Variants in ZPBP observed in about 807,000 individuals in gnomAD.
ZPBP encodes the protein zona pellucida binding protein.
A neutral mutation model predicts 44.8 loss-of-function variants in ZPBP; 26 were observed. The ratio of observed to expected loss-of-function variants is 0.58; its 90% confidence interval spans 0.43 to 0.81. The LOEUF is 0.81. Ranked by LOEUF, ZPBP falls within the 30% of genes least tolerant of loss-of-function variation. The pLI is 0.00. For synonymous variants in ZPBP, 174 were observed against 153.2 expected, an observed-to-expected ratio of 1.14 and a Z score of -1.00; for missense variants, 409 against 434.0, an observed-to-expected ratio of 0.94 and a Z score of 0.51.
At chr7:49,929,304 G>GC (rs539856319) in intron 1 of ZPBP, among the ~76,000 whole-genome samples, 1 of 152,162 alleles carries the variant, frequency 6.6e-6, no homozygotes, top group Non-Finnish European at 1.5e-5. Context: ...ATGCACCTCC[G>GC]CATCTTTTGT....
In ZPBP at chr7:49,978,755, T is replaced by C. The variant is rs200370359; in HGVS notation, c.961+4587A>G. Among the ~76,000 whole-genome samples, 14 of 152,218 alleles carry C rather than the reference T, an allele frequency of 9.2e-5. No individual in the cohort carries two copies. The East Asian group carries it at 2.7e-3, about 29-fold the overall frequency. ...TTTTGTCTTTTAACTAGTGTTATCC[T>C]AATTTAAAATACAGGGTAATTTGTT... On this transcript the variant is annotated intron_variant, in intron 7 of 7. Transcript: ENST00000046087.
intron 2 of ZPBP, among the ~76,000 whole-genome samples, chr7:50,088,831 TA>T (rs1802800213): frequency 1.3e-5 from 2 of 151,790 alleles, no homozygotes; most frequent in Non-Finnish European, 2.9e-5. Context: ...TTAGGCTCTT[TA>T]AAAAATAGTT....
chr7:49,982,277 T>TATAA (rs1562821374), intron 7 of ZPBP, among the ~76,000 whole-genome samples: 5 of 107,480 alleles, frequency 4.7e-5, no homozygotes, highest in African/African-American at 1.5e-4. Flanking sequence ...TATATATAAT[T>TATAA]TATAATTATA....
chr7:49,865,084 T>C (rs1790823260), intron 2 of ZPBP, among the ~76,000 whole-genome samples: 1 of 152,374 alleles, frequency 6.6e-6, no homozygotes, highest in Admixed American at 6.5e-5. Flanking sequence ...TGGAATACTT[T>C]TCTGTCATGT....
intron 7 of ZPBP, among the ~76,000 whole-genome samples, chr7:49,978,010 T>C (rs1025380555): frequency 6.6e-6 from 1 of 151,692 alleles, no homozygotes; most frequent in South Asian, 2.1e-4. Flanking sequence ...GAGAAAAAAA[T>C]AGGAAGGGAT....
chr7:49,996,932 T>C (rs1017483547), intron 6 of ZPBP, among the ~76,000 whole-genome samples: 2 of 152,196 alleles, frequency 1.3e-5, no homozygotes, highest in African/African-American at 4.8e-5. Context: ...CTCTGCTAAA[T>C]TACTATTAAC....
intron 5 of ZPBP, among the ~76,000 whole-genome samples, chr7:50,025,548 T>C (rs1201632904): frequency 6.6e-6 from 1 of 151,800 alleles, no homozygotes; most frequent in Non-Finnish European, 1.5e-5. Context: ...ATATAGTCAT[T>C]TAAAAAATGA....
At chr7:49,967,958 G>T (rs980544671) in intron 7 of ZPBP, among the ~76,000 whole-genome samples, 2 of 152,044 alleles carry the variant, frequency 1.3e-5, no homozygotes, top group African/African-American at 2.4e-5. Context: ...AAAAATGTAT[G>T]TTCAAATACT....
intron 1 of ZPBP, among the ~76,000 whole-genome samples, chr7:49,924,705 G>C (rs1006973179): frequency 3.3e-5 from 5 of 152,122 alleles, no homozygotes; most frequent in Non-Finnish European, 7.4e-5. Context: ...GTTCTGTCAA[G>C]ATAGACTAGC....
chr7:49,853,092 A>C (rs1018708053), intron 2 of ZPBP, among the ~76,000 whole-genome samples: 9 of 152,246 alleles, frequency 5.9e-5, no homozygotes, highest in African/African-American at 2.2e-4. Context: ...CTCTTGCTGC[A>C]GGCTGAAGGC....
At chr7:49,963,071 GAGA>G (rs1370228933) in intron 7 of ZPBP, among the ~76,000 whole-genome samples, 2 of 151,568 alleles carry the variant, frequency 1.3e-5, no homozygotes, top group Admixed American at 6.6e-5. Context: ...AAACAGTTCA[GAGA>G]AGAATATATA....
chr7:50,005,450 C>T (rs1356160583), intron 6 of ZPBP, among the ~76,000 whole-genome samples: 2 of 151,822 alleles, frequency 1.3e-5, no homozygotes, highest in Non-Finnish European at 2.9e-5. Context: ...TTAATGGACA[C>T]ACAGAATATG....
At chr7:49,889,137 T>G (rs1035507673) in intron 2 of ZPBP, among the ~76,000 whole-genome samples, 3 of 152,204 alleles carry the variant, frequency 2.0e-5, no homozygotes, top group Admixed American at 1.3e-4. Context: ...TACAAATGAT[T>G]ATTCCCTCAT....
At chr7:50,068,830 G>A (rs1414897752) in intron 3 of ZPBP, among the ~76,000 whole-genome samples, 7 of 152,240 alleles carry the variant, frequency 4.6e-5, no homozygotes, top group East Asian at 1.9e-4. Flanking sequence ...AGAGTTAAAC[G>A]GAGTATACAA....
intron 1 of ZPBP, chr7:49,921,304 A>G (rs2128747207): frequency 6.6e-6 from 1 of 152,342 alleles, no homozygotes; most frequent in South Asian, 2.1e-4. Context: ...AGTTGTTCCC[A>G]TCCCTGGCCT....
chr7:49,972,652 T>C (rs1372797153), intron 7 of ZPBP, among the ~76,000 whole-genome samples: 1 of 152,088 alleles, frequency 6.6e-6, no homozygotes, highest in African/African-American at 2.4e-5. Context: ...ATGGCAATAC[T>C]ACCCAAAGCA....
At chr7:49,980,504 G>A (rs903907840) in intron 7 of ZPBP, among the ~76,000 whole-genome samples, 2 of 151,576 alleles carry the variant, frequency 1.3e-5, no homozygotes, top group African/African-American at 4.8e-5. Flanking sequence ...TCACGATTCT[G>A]ATGGCTGAAA....
At chr7:50,028,238 C>A (rs755628660) in intron 5 of ZPBP, among the ~76,000 whole-genome samples, 5 of 151,526 alleles carry the variant, frequency 3.3e-5, no homozygotes, top group Non-Finnish European at 7.4e-5. Context: ...GAACATATAA[C>A]AATCAAAATA....
At chr7:49,985,983 C>T (rs1384289736) in intron 6 of ZPBP, among the ~76,000 whole-genome samples, 2 of 152,076 alleles carry the variant, frequency 1.3e-5, no homozygotes, top group African/African-American at 4.8e-5. Flanking sequence ...TTTTTTTTCA[C>T]TGAGAGCGTT....
Sources: gnomAD v4.1 joint callset for allele counts (sites outside exome capture counted in the v4.1 genomes callset) on GRCh38, gnomAD v4.1.1 for gene constraint, MANE v1.5 for transcripts, NCBI Gene and HGNC (gene_info 2026-07-23, HGNC 2026-07-21) for gene names.